Variants in ADGRG6 observed in about 807,000 individuals in gnomAD.
The protein encoded by ADGRG6 is adhesion G protein-coupled receptor G6, also known as G-protein coupled receptor 126.
Under a neutral mutation model 142.4 loss-of-function variants are expected in ADGRG6, and 84 were observed. The observed-to-expected ratio is 0.59, with a 90% CI of 0.49 to 0.71. The LOEUF (loss-of-function observed/expected upper bound fraction) is 0.71. Among genes scored for constraint, ADGRG6 ranks in the 30% least tolerant of loss-of-function variants. The pLI is 0.00. For missense variants in ADGRG6, 1,367 were observed against 1,466.6 expected (o/e 0.93, Z 1.11); for synonymous variants, 521 against 520.5 (o/e 1.00, Z -0.01).
chr6:142,386,761 G>A lies in ADGRG6; in HGVS notation c.1222+2918G>A, dbSNP rs561570507. Among the ~76,000 whole-genome samples, 10 of 152,180 alleles carry A rather than the reference G, an allele frequency of 6.6e-5. No homozygotes were observed. In the East Asian group the frequency reaches 1.4e-3, roughly 21 times the overall value. ...CTTATTCCATCCAGTTCAGGGTAGC[G>A]GGTGGCTGGAGCCATCTGGGCAGCT... On this transcript the variant is annotated intron_variant, in intron 6 of 24. Coordinates refer to ENST00000367609, the MANE Select transcript of ADGRG6 (RefSeq NM_198569.3).
At chr6:142,383,680 G>T (rs1468078650) in intron 5 of ADGRG6, 80 bp from the exon 6 acceptor site, 22 of 707,750 alleles carry the variant, frequency 3.1e-5, no homozygotes, top group Admixed American at 1.8e-4. Context: ...ATATTTTAAT[G>T]CATTAATTAT....
chr6:142,303,626 G>T (rs766670459), intron 1 of ADGRG6, among the ~76,000 whole-genome samples: 2 of 152,070 alleles, frequency 1.3e-5, no homozygotes, highest in Non-Finnish European at 2.9e-5. Context: ...TATAAGACTT[G>T]TTCTCATATA....
At chr6:142,375,883 G>A (rs1781474178) in intron 4 of ADGRG6, among the ~76,000 whole-genome samples, 2 of 151,912 alleles carry the variant, frequency 1.3e-5, no homozygotes. Flanking sequence ...AAACATCCTA[G>A]CCTTAATAAA....
chr6:142,434,152 A>C (rs1163037153), intron 22 of ADGRG6, among the ~76,000 whole-genome samples: 1 of 151,384 alleles, frequency 6.6e-6, no homozygotes, highest in African/African-American at 2.4e-5. Context: ...TTACCAATAA[A>C]GTATTAGTAA....
intron 4 of ADGRG6, among the ~76,000 whole-genome samples, chr6:142,380,236 A>T (rs1781703632): frequency 6.6e-6 from 1 of 152,084 alleles, no homozygotes; most frequent in Non-Finnish European, 1.5e-5. Context: ...GTCTATGTTG[A>T]TGTTAATGCT....
intron 2 of ADGRG6, among the ~76,000 whole-genome samples, chr6:142,329,565 CACA>C (rs1211750008): frequency 6.6e-6 from 1 of 151,998 alleles, no homozygotes; most frequent in Non-Finnish European, 1.5e-5. Context: ...CAAAAATTGT[CACA>C]ACGTGAGTGA....
At chr6:142,375,688 A>G (rs1337443101) in intron 4 of ADGRG6, among the ~76,000 whole-genome samples, 1 of 152,222 alleles carries the variant, frequency 6.6e-6, no homozygotes, top group Non-Finnish European at 1.5e-5. Context: ...ATTTATTTCT[A>G]GCATTCCACT....
chr6:142,320,879 A>G (rs1211348048), intron 2 of ADGRG6, among the ~76,000 whole-genome samples: 2 of 152,062 alleles, frequency 1.3e-5, no homozygotes, highest in African/African-American at 4.8e-5. Flanking sequence ...TATATATTAG[A>G]GCAATAAGAC....
Position 142,370,754 on chromosome 6 carries a change from C to A in ADGRG6, c.1030C>A (p.Pro344Thr), listed in dbSNP as rs1247530796. 4 of 1,613,506 alleles carry A rather than the reference C, an allele frequency of 2.5e-6. No homozygotes were observed. The African/African-American group carries it at 4.0e-5, about 16-fold the overall frequency. The change falls in exon 4 of 25, where the codon CCA (proline) becomes ACA (threonine). Residue 344 changes from proline (P) to threonine (T), a missense_variant. Pro to Thr is a conservative substitution (Grantham distance 38). Coordinates refer to ENST00000367609, the MANE Select transcript of ADGRG6 (RefSeq NM_198569.3). ...VDWQNDFWNI[P>T]NLALKAESNL... ...CTGGCAAAATGACTTCTGGAATATC[C>A]CAAACCTAGCTCTGAAAGCTGAAAG...
intron 2 of ADGRG6, among the ~76,000 whole-genome samples, chr6:142,327,582 G>T (rs1424817629): frequency 6.6e-6 from 1 of 151,986 alleles, no homozygotes; most frequent in Non-Finnish European, 1.5e-5. Flanking sequence ...ACCTGCACCT[G>T]ATGGCTTCTT....
chr6:142,330,182 T>A (rs1023492355), intron 2 of ADGRG6, among the ~76,000 whole-genome samples: 2 of 152,048 alleles, frequency 1.3e-5, no homozygotes, highest in Admixed American at 6.6e-5. Flanking sequence ...TCCATGTCCC[T>A]CCAAAGGACA....
At chr6:142,377,554 CTCAT>C (rs1293459044) in intron 4 of ADGRG6, among the ~76,000 whole-genome samples, 1 of 152,222 alleles carries the variant, frequency 6.6e-6, no homozygotes, top group African/African-American at 2.4e-5. Context: ...ATTTGGCTGT[CTCAT>C]TAATATTAAG....
At chr6:142,362,936 C>CT (rs781586959) in intron 2 of ADGRG6, among the ~76,000 whole-genome samples, 64 of 152,136 alleles carry the variant, frequency 4.2e-4, no homozygotes, top group Non-Finnish European at 7.2e-4. Flanking sequence ...AACAAATGAG[C>CT]TTTTCATGTG....
intron 24 of ADGRG6, among the ~76,000 whole-genome samples, chr6:142,441,757 A>G (rs1173156432): frequency 6.6e-6 from 1 of 152,236 alleles, no homozygotes; most frequent in African/African-American, 2.4e-5. Context: ...TCCCCACCAG[A>G]AAACCAATGG....
chr6:142,339,073 C>CCTGT (rs1423576835), intron 2 of ADGRG6, among the ~76,000 whole-genome samples: 7 of 152,094 alleles, frequency 4.6e-5, no homozygotes, highest in Non-Finnish European at 7.4e-5. Flanking sequence ...TAATTTTTAA[C>CCTGT]CTGTCTCTCA....
At chr6:142,403,438 T>C (rs1775639397) in intron 13 of ADGRG6, among the ~76,000 whole-genome samples, 1 of 152,158 alleles carries the variant, frequency 6.6e-6, no homozygotes, top group Non-Finnish European at 1.5e-5. Context: ...CATCTTGCAG[T>C]TCACAGAACA....
chr6:142,380,640 A>G (rs528212997), intron 4 of ADGRG6, among the ~76,000 whole-genome samples: 23 of 152,208 alleles, frequency 1.5e-4, no homozygotes, highest in South Asian at 8.3e-4. Context: ...TAAAATACCC[A>G]TCTCTACTTT....
At chr6:142,400,088 C>T (rs1442844048) in intron 10 of ADGRG6, among the ~76,000 whole-genome samples, 1 of 152,084 alleles carries the variant, frequency 6.6e-6, no homozygotes, top group Non-Finnish European at 1.5e-5. Context: ...GGCATCATTT[C>T]TAGGCTTTCC....
At chr6:142,364,796 C>T (rs1280647018) in intron 2 of ADGRG6, among the ~76,000 whole-genome samples, 1 of 152,106 alleles carries the variant, frequency 6.6e-6, no homozygotes, top group African/African-American at 2.4e-5. Flanking sequence ...ATTGCTTGAG[C>T]CCAGTAGTTT....
Sources: allele counts gnomAD v4.1 joint callset (sites outside exome capture counted in the v4.1 genomes callset), GRCh38; gene constraint gnomAD v4.1.1; transcripts MANE v1.5; gene names NCBI Gene and HGNC (gene_info 2026-07-23, HGNC 2026-07-21).